The following DNAH14 variants were observed in gnomAD, a reference collection of about 807,000 sequenced individuals.
DNAH14 encodes the protein axonemal beta dynein heavy chain 14.
Under a neutral mutation model 520.9 loss-of-function variants are expected in DNAH14, and 478 were observed. The observed-to-expected ratio is 0.92, with a 90% CI of 0.85 to 0.99. The LOEUF is 0.99. Among genes scored for constraint, DNAH14 ranks in the 50% least tolerant of loss-of-function variants. The pLI, the probability that DNAH14 is intolerant of heterozygous loss-of-function variation, is 0.00. For synonymous variants in DNAH14, 1,581 were observed against 1,757.2 expected (o/e 0.90, Z 2.51); for missense variants, 4,831 against 5,234.5 (o/e 0.92, Z 2.38).
At chr1:225,273,170 C>T (rs546482659) in intron 52 of DNAH14, 45 bp downstream of exon 52, 30 of 1,504,926 alleles carry the variant, frequency 2.0e-5, no homozygotes, top group Non-Finnish European at 2.1e-5. Context: ...TGGTGGCTTA[C>T]GCCTGTAATC....
chr1:224,941,590 A>G (rs1000459132), intron 1 of DNAH14, among the ~76,000 whole-genome samples: 5 of 150,908 alleles, frequency 3.3e-5, no homozygotes, highest in Non-Finnish European at 7.4e-5. Context: ...ATGAAGCCCT[A>G]TGTCCTGAAT....
intron 72 of DNAH14, among the ~76,000 whole-genome samples, chr1:225,353,467 T>C (rs2150488724): frequency 6.6e-6 from 1 of 152,308 alleles, no homozygotes; most frequent in South Asian, 2.1e-4. Flanking sequence ...ACACCACATA[T>C]ACAGGAACAG....
intron 23 of DNAH14, among the ~76,000 whole-genome samples, chr1:225,105,067 T>G (rs1012399329): frequency 1.1e-4 from 16 of 152,264 alleles, no homozygotes; most frequent in Non-Finnish European, 1.5e-4. Context: ...ATGTGTCCCA[T>G]AGATTCTGGT....
intron 44 of DNAH14, 30 bp downstream of exon 44, chr1:225,252,447 A>G (rs938104686): frequency 8.0e-7 from 1 of 1,251,134 alleles, no homozygotes; most frequent in African/African-American, 1.5e-5. Context: ...TCATACTTGT[A>G]ACGTTAGAAT....
chr1:225,270,874 A>G lies in DNAH14; in HGVS notation c.7671+8A>G, dbSNP rs1255567959. ...TTATGTACTATTTTCCAGGTAACAC[A>G]TCTAGTTCATTTTCTACTGAAAAAA... On this transcript the variant is annotated splice_region_variant and intron_variant, in intron 50 of 85. Coordinates refer to ENST00000682510, the MANE Select transcript of DNAH14 (RefSeq NM_001367479.1). 1.3e-6 allele frequency: 2 copies of G among 1,547,718 alleles called. No homozygotes were observed. The highest frequency in any genetic ancestry group is 1.4e-5 in the African/African-American group (1 of 72,986).
At chr1:225,054,662 A>C (rs1209318317) in intron 17 of DNAH14, among the ~76,000 whole-genome samples, 1 of 152,144 alleles carries the variant, frequency 6.6e-6, no homozygotes, top group African/African-American at 2.4e-5. Flanking sequence ...ACATATAGTT[A>C]GCTTCTATAC....
intron 23 of DNAH14, among the ~76,000 whole-genome samples, chr1:225,103,564 A>ATTGAGCAG (rs1403200484): frequency 1.3e-4 from 19 of 151,860 alleles, no homozygotes; most frequent in Non-Finnish European, 2.5e-4. Flanking sequence ...CTTTTATTTC[A>ATTGAGCAG]TTGAGCAGTG....
At chr1:224,949,465 G>C (rs1317309639) in intron 1 of DNAH14, among the ~76,000 whole-genome samples, 1 of 152,062 alleles carries the variant, frequency 6.6e-6, no homozygotes, top group African/African-American at 2.4e-5. Context: ...CAGTCATTAT[G>C]GTCCCCATTT....
chr1:225,056,463 T>C (rs1259318764), intron 17 of DNAH14, among the ~76,000 whole-genome samples: 1 of 152,228 alleles, frequency 6.6e-6, no homozygotes, highest in Non-Finnish European at 1.5e-5. Flanking sequence ...GCAAAAATTT[T>C]CTCCCATTCT....
intron 55 of DNAH14, among the ~76,000 whole-genome samples, chr1:225,295,381 T>C (rs1022056437): frequency 6.6e-6 from 1 of 152,190 alleles, no homozygotes; most frequent in African/African-American, 2.4e-5. Context: ...ATGTAGGCAT[T>C]TATTGTTATA....
intron 17 of DNAH14, among the ~76,000 whole-genome samples, chr1:225,061,483 C>G (rs941134184): frequency 1.3e-5 from 2 of 152,236 alleles, no homozygotes; most frequent in Admixed American, 1.3e-4. Flanking sequence ...GTGCCTCACT[C>G]TGCTTTGGCT....
chr1:225,333,021 T>C (rs897926086), intron 65 of DNAH14, among the ~76,000 whole-genome samples: 5 of 151,914 alleles, frequency 3.3e-5, no homozygotes, highest in Admixed American at 1.3e-4. Context: ...AAAAAAAAAT[T>C]GTCCTGCTTT....
chr1:225,251,399 C>G (rs1383091362), intron 43 of DNAH14, among the ~76,000 whole-genome samples: 5 of 152,060 alleles, frequency 3.3e-5, no homozygotes, highest in Non-Finnish European at 5.9e-5. Flanking sequence ...GTCTCAAACT[C>G]CTGACCTCAA....
At chr1:225,321,301 T>A (rs1250787337) in intron 61 of DNAH14, among the ~76,000 whole-genome samples, 1 of 152,052 alleles carries the variant, frequency 6.6e-6, no homozygotes, top group African/African-American at 2.4e-5. Context: ...AGGGAGACAG[T>A]CAGAAAAAAT....
chr1:225,218,343 T>C lies in DNAH14; in HGVS notation c.6439+11123T>C, dbSNP rs541660888. ...AATGTAAATGGGCTAAATGCCCCAG[T>C]TGAAAGACACAGACTGGCTCATTGG... On this transcript the variant is annotated intron_variant, in intron 41 of 85. Coordinates refer to ENST00000682510, the MANE Select transcript of DNAH14 (RefSeq NM_001367479.1). 2.6e-5 allele frequency among the ~76,000 whole-genome samples: 4 copies of C among 152,330 alleles called. No individual in the cohort carries two copies. The East Asian group carries it at 7.7e-4, about 29-fold the overall frequency.
At chr1:224,995,644 C>T (rs1345079281) in intron 8 of DNAH14, among the ~76,000 whole-genome samples, 2 of 151,998 alleles carry the variant, frequency 1.3e-5, no homozygotes, top group Non-Finnish European at 2.9e-5. Context: ...CCTGTCTTCT[C>T]ATTTTTCTAC....
intron 8 of DNAH14, among the ~76,000 whole-genome samples, chr1:224,977,600 T>G (rs1266400118): frequency 6.6e-6 from 1 of 152,200 alleles, no homozygotes; most frequent in Non-Finnish European, 1.5e-5. Flanking sequence ...TGTATACTTA[T>G]CTCCACATGC....
At chr1:225,302,852 A>G (rs2094165287) in intron 56 of DNAH14, among the ~76,000 whole-genome samples, 1 of 152,158 alleles carries the variant, frequency 6.6e-6, no homozygotes. Context: ...CCCCAGAGGA[A>G]AGAGTTAAAC....
intron 54 of DNAH14, among the ~76,000 whole-genome samples, chr1:225,289,611 T>A (rs1222129382): frequency 6.6e-6 from 1 of 152,088 alleles, no homozygotes; most frequent in Non-Finnish European, 1.5e-5. Context: ...CTATCTGTGC[T>A]TTTTTCAAGA....
Sources: allele counts gnomAD v4.1 joint callset (sites outside exome capture counted in the v4.1 genomes callset), GRCh38; gene constraint gnomAD v4.1.1; transcripts MANE v1.5; gene names NCBI Gene and HGNC (gene_info 2026-07-23, HGNC 2026-07-21).